MPZL3: variants seen among roughly 807,000 people sequenced by gnomAD.
The protein encoded by MPZL3 is myelin protein zero-like protein 3.
Under a neutral mutation model 24.8 loss-of-function variants are expected in MPZL3, and 23 were observed. The observed-to-expected ratio is 0.93, with a 90% CI of 0.67 to 1.31. MPZL3 has a LOEUF of 1.31. Ranked by LOEUF, MPZL3 falls within the 40% of genes most tolerant of loss-of-function variation. MPZL3 has a pLI of 0.00. For missense variants in MPZL3, 277 were observed against 294.9 expected (o/e 0.94, Z 0.44); for synonymous variants, 99 against 106.5 (o/e 0.93, Z 0.44).
chr11:118,231,062 AGTT>A (rs1479248123), intron 5 of MPZL3, among the ~76,000 whole-genome samples: 3 of 152,154 alleles, frequency 2.0e-5, no homozygotes, highest in Non-Finnish European at 4.4e-5. Flanking sequence ...TCCTTGAAAG[AGTT>A]GTTTATGCCC....
chr11:118,237,232 G>C lies in MPZL3; in HGVS notation c.269C>G (p.Pro90Arg), dbSNP rs774650596. ...SIFHYQSFQYPTTAGTFRDRI... is the reference protein window; with the variant it reads ...SIFHYQSFQYRTTAGTFRDRI... Reference sequence around the variant, plus strand: ...ATCCCGAAATGTGCCTGCTGTGGTTGGGTACTGGAAAGACTGATAATGAAA... The same window carrying C: ...ATCCCGAAATGTGCCTGCTGTGGTTCGGTACTGGAAAGACTGATAATGAAA... The change falls in exon 3 of 6, where the codon CCA becomes CGA. Residue 90 changes from proline to arginine, a missense_variant. Transcript: ENST00000278949. The C allele has an allele frequency of 6.2e-7, 1 of 1,613,998 alleles. No individual in the cohort carries two copies. Among genetic ancestry groups the C allele is most frequent in the East Asian group, 2.2e-5 (1 of 44,874 alleles).
intron 1 of MPZL3, among the ~76,000 whole-genome samples, chr11:118,242,842 G>T (rs1182366652): frequency 6.6e-6 from 1 of 152,230 alleles, no homozygotes; most frequent in Middle Eastern, 3.4e-3. Context: ...TAGTTACAAA[G>T]GCTATTCCTC....
At chr11:118,250,131 A>G (rs577006136) in intron 1 of MPZL3, among the ~76,000 whole-genome samples, 1 of 149,924 alleles carries the variant, frequency 6.7e-6, no homozygotes, top group South Asian at 2.1e-4. Flanking sequence ...CCTCTCAAGA[A>G]TCTGGGATAA....
At chr11:118,252,063 G>C (rs1949625013) in intron 1 of MPZL3, among the ~76,000 whole-genome samples, 159 bp downstream of exon 1, 1 of 152,160 alleles carries the variant, frequency 6.6e-6, no homozygotes, top group Non-Finnish European at 1.5e-5. Context: ...ATCCTCAACG[G>C]GGTGGTGATG....
Position 118,229,848 on chromosome 11 carries a change from T to G in MPZL3, c.*46A>C. 1.2e-6 allele frequency: 2 copies of G among 1,603,700 alleles called. No individual in the cohort carries two copies. Among genetic ancestry groups the G allele is most frequent in the South Asian group, 2.2e-5 (2 of 90,606 alleles). On this transcript the variant is annotated 3_prime_UTR_variant, in exon 6 of 6. Coordinates refer to ENST00000278949, the MANE Select transcript of MPZL3 (RefSeq NM_198275.3). Reference sequence around the variant, plus strand: ...GGCTTTAGCTGCCAGTGGAATGGGATGTTTCCTGTCTTTAGGTGACTCTTC... The same window carrying G: ...GGCTTTAGCTGCCAGTGGAATGGGAGGTTTCCTGTCTTTAGGTGACTCTTC...
In MPZL3 at chr11:118,233,523, G is replaced by A. The variant is rs773201613; in HGVS notation, c.618C>T (p.Asp206=). The change falls in exon 5 of 6, where the codon GAC becomes GAT. Residue 206 remains aspartate, a splice_region_variant and synonymous_variant. Transcript: ENST00000278949. The stretch of plus-strand genomic sequence containing the variant: ...ACGCCTCTTCCTCCTCCTGATCAGT[G>A]CTGTAAAAAGAGGACAAACCAAATC... ...YKKSSIEVSD[D]TDQEEEEACM... is the part of the protein sequence containing the mutation. The A allele has an allele frequency of 6.2e-7, 1 of 1,613,582 alleles. No homozygotes were observed. The highest frequency in any genetic ancestry group is 1.3e-5 in the African/African-American group (1 of 74,864).
At chr11:118,234,505 T>C (rs774252081) in intron 4 of MPZL3, among the ~76,000 whole-genome samples, 3 of 152,076 alleles carry the variant, frequency 2.0e-5, no homozygotes, top group Admixed American at 2.0e-4. Context: ...AGGAAAAATA[T>C]ACGAATGAAG....
intron 1 of MPZL3, among the ~76,000 whole-genome samples, chr11:118,242,998 C>CA (rs1949515370): frequency 6.6e-6 from 1 of 152,102 alleles, no homozygotes; most frequent in African/African-American, 2.4e-5. Flanking sequence ...TTCCTATCAC[C>CA]TTTTTTATAG....
rs1591499095 is a variant in MPZL3, at chr11:118,248,040, T to C, written c.73+4182A>G. Among the ~76,000 whole-genome samples, 4 of 151,518 alleles carry C rather than the reference T, an allele frequency of 2.6e-5. No homozygotes were observed. The East Asian group carries it at 7.8e-4, about 29-fold the overall frequency. ...TGTGGATGTTTAGTATAGTAATATT[T>C]ATTCAACTAGACCAAACCAACAGTT... On this transcript the variant is annotated intron_variant, in intron 1 of 5. Transcript: ENST00000278949.
intron 1 of MPZL3, among the ~76,000 whole-genome samples, chr11:118,250,745 TA>T (rs1394208077): frequency 6.6e-6 from 1 of 152,038 alleles, no homozygotes; most frequent in African/African-American, 2.4e-5. Context: ...CACGCCTGGC[TA>T]ATTTTTTTTG....
At chr11:118,239,486 A>G (rs1258904231) in intron 2 of MPZL3, among the ~76,000 whole-genome samples, 1 of 152,230 alleles carries the variant, frequency 6.6e-6, no homozygotes, top group Non-Finnish European at 1.5e-5. Flanking sequence ...ATTCTTGAAT[A>G]ACATCTATCC....
intron 1 of MPZL3, among the ~76,000 whole-genome samples, chr11:118,250,805 G>C (rs540931593): frequency 1.3e-5 from 2 of 151,908 alleles, no homozygotes; most frequent in African/African-American, 4.8e-5. Flanking sequence ...GCCTGGTCTC[G>C]AACTCCTGAC....
At chr11:118,250,730 G>A (rs1444235404) in intron 1 of MPZL3, among the ~76,000 whole-genome samples, 2 of 151,874 alleles carry the variant, frequency 1.3e-5, no homozygotes, top group African/African-American at 4.8e-5. Flanking sequence ...ACAGGCGCCC[G>A]CCACCACGCC....
chr11:118,227,148 T>C lies in MPZL3; in HGVS notation c.*2746A>G, dbSNP rs1036889466. ...AGGTCACATGGAAAACACAAAGCAA[T>C]TGGTGAGTCCACATTTTGTAATAGA... is the stretch of plus-strand genomic sequence containing the variant. On this transcript the variant is annotated 3_prime_UTR_variant, in exon 6 of 6. Transcript: ENST00000278949. The C allele has an allele frequency of 6.6e-6, 1 of 152,200 alleles. No individual in the cohort carries two copies. Among genetic ancestry groups the C allele is most frequent in the Admixed American group, 6.5e-5 (1 of 15,286 alleles). The allele number at this position is 152,200 out of a possible 1,614,324, so 9.4% of individuals were successfully genotyped here.
intron 1 of MPZL3, among the ~76,000 whole-genome samples, chr11:118,242,868 C>T (rs10502228): frequency 0.21 from 31,895 of 152,090 alleles, 3,421 homozygotes; most frequent in Middle Eastern, 0.28. Context: ...AATGTCAGCA[C>T]CTTCAGGGCA....
rs1344560905 is a variant in MPZL3 at position 118,233,591 on chromosome 11, C to T, written c.618-68G>A. On this transcript the variant is annotated intron_variant, in intron 4 of 5. Coordinates refer to ENST00000278949, the MANE Select transcript of MPZL3 (RefSeq NM_198275.3). ...CAATAGAGTAGAGCAGTTGAAAGTA[C>T]AGGTGTTGAAATCAGACAGGTCTGG... 1.4e-5 allele frequency: 22 copies of T among 1,526,246 alleles called. 1 individual carries two copies. The South Asian group carries it at 1.8e-4, about 13-fold the overall frequency. The allele number at this position is 1,526,246 out of a possible 1,614,324, so 94.5% of individuals were successfully genotyped here. A position where few individuals can be genotyped will look rare whatever the true frequency, so the allele number is the denominator to read the frequency against.
chr11:118,236,113 T>C (rs1949422804), intron 3 of MPZL3, among the ~76,000 whole-genome samples: 1 of 152,180 alleles, frequency 6.6e-6, no homozygotes, highest in South Asian at 2.1e-4. Context: ...TAAGATGAAA[T>C]TTACAATGGA....
chr11:118,244,406 G>A (rs968609872), intron 1 of MPZL3, among the ~76,000 whole-genome samples: 1 of 152,188 alleles, frequency 6.6e-6, no homozygotes. Context: ...CTATGGGTAC[G>A]GCCCCTGTTA....
Position 118,252,306 on chromosome 11 carries a change from T to C in MPZL3, c.-12A>G. The C allele has an allele frequency of 6.2e-7, 1 of 1,613,484 alleles. No individual in the cohort carries two copies. The highest frequency in any genetic ancestry group is 8.5e-7 in the Non-Finnish European group (1 of 1,179,572). On this transcript the variant is annotated 5_prime_UTR_variant, in exon 1 of 6. Coordinates refer to ENST00000278949, the MANE Select transcript of MPZL3 (RefSeq NM_198275.3). ...CCTCTCTGCTGCATCCCGGCAGCTC[T>C]TCAGATGCTTGCACACCTTGTTTAC...
Sources: gnomAD v4.1 joint callset for allele counts (sites outside exome capture counted in the v4.1 genomes callset) on GRCh38, gnomAD v4.1.1 for gene constraint, MANE v1.5 for transcripts, NCBI Gene and HGNC (gene_info 2026-07-23, HGNC 2026-07-21) for gene names.